EVI5L: variants seen among roughly 807,000 people sequenced by gnomAD.
EVI5L encodes EVI5-like protein.
A neutral mutation model predicts 106.1 loss-of-function variants in EVI5L; 30 were observed. That is an observed-to-expected ratio of 0.28 (90% CI 0.21 to 0.38). The LOEUF (loss-of-function observed/expected upper bound fraction) is 0.38. Among genes scored for constraint, EVI5L ranks in the 10% least tolerant of loss-of-function variants. EVI5L has a pLI of 1.00. For synonymous variants in EVI5L, 489 were observed against 483.3 expected, an observed-to-expected ratio of 1.01 and a Z score of -0.15; for missense variants, 809 against 1,098.0, an observed-to-expected ratio of 0.74 and a Z score of 3.72.
chr19:7,864,469 TGGAG>T lies in EVI5L; in HGVS notation c.*770_*773del, dbSNP rs1215057775. 6.6e-6 allele frequency: 1 copy of T among 152,390 alleles called. No individual in the cohort carries two copies. The highest frequency in any genetic ancestry group is 1.5e-5 in the Non-Finnish European group (1 of 68,072). The allele number at this position is 152,390 out of a possible 1,614,324, so 9.4% of individuals were successfully genotyped here. Reference sequence around the variant, plus strand: ...TCGCGCCCCCTATCCTGGCCAGTGATGGAGGGGTATCTCTACAGGGGTCCTCGGT... The same window carrying T: ...TCGCGCCCCCTATCCTGGCCAGTGATGGGTATCTCTACAGGGGTCCTCGGT... On this transcript the variant is annotated 3_prime_UTR_variant, in exon 20 of 20. Transcript: ENST00000538904. This position sits in a 1 kb window ranked among gnomAD's most constrained non-coding sequence, Gnocchi z 4.5.
Position 7,863,897 on chromosome 19 carries a change from T to A in EVI5L, c.*195T>A, listed in dbSNP as rs944755735. The A allele has an allele frequency of 9.7e-6, 7 of 720,626 alleles. No individual in the cohort carries two copies. The highest frequency in any genetic ancestry group is 3.6e-5 in the Admixed American group (1 of 28,162). The allele number at this position is 720,626 out of a possible 1,614,324, so 44.6% of individuals were successfully genotyped here. A position where few individuals can be genotyped will look rare whatever the true frequency, so the allele number is the denominator to read the frequency against. ...GGCTCCTCAGGGCCCCGGGGCAGGC[T>A]CTCTATCCCCAGCAGTGTTTACCCA... On this transcript the variant is annotated 3_prime_UTR_variant, in exon 20 of 20. Transcript: ENST00000538904. This position sits in a 1 kb window ranked among gnomAD's most constrained non-coding sequence, Gnocchi z 7.7.
chr19:7,838,172 A>G (rs1391076977), intron 1 of EVI5L, among the ~76,000 whole-genome samples: 1 of 150,732 alleles, frequency 6.6e-6, no homozygotes, highest in Non-Finnish European at 1.5e-5. Context: ...GCAGTCGTGC[A>G]ATCTCGGCTC....
At position 7,858,270 on chromosome 19, in the gene EVI5L, G is replaced by A. The variant is rs774588716; in HGVS notation, c.1313G>A (p.Ser438Asn). The change falls in exon 13 of 20, where the codon AGC (serine) becomes AAC (asparagine). Residue 438 changes from serine to asparagine, a missense_variant. By Grantham distance (46) the Ser-to-Asn change is conservative. This residue lies in a region of EVI5L where 452 missense variants were observed against 509.9 expected (regional missense o/e 0.89). Coordinates refer to ENST00000538904, the MANE Select transcript of EVI5L (RefSeq NM_001159944.3). This position sits in a 1 kb window ranked among gnomAD's most constrained non-coding sequence, Gnocchi z 5.7. ...CTGGCGGTGGTGCGGCAGCAGTGCA[G>A]CTCGGCGGCCGAGGACCTGCAGAAG... ...RELAVVRQQC[S>N]SAAEDLQKAQ... is the part of the protein sequence containing the mutation. The A allele has an allele frequency of 8.4e-6, 13 of 1,554,090 alleles. No homozygotes were observed. The East Asian group carries it at 3.1e-4, about 37-fold the overall frequency.
chr19:7,849,969 A>T, intron 5 of EVI5L, 28 bp from the exon 6 acceptor site: 4 of 1,530,904 alleles, frequency 2.6e-6, no homozygotes, highest in Non-Finnish European at 3.6e-6. Flanking sequence ...CGCTGCCCTG[A>T]GCCCCCCCAC....
chr19:7,832,117 C>T (rs1436597658), intron 1 of EVI5L, among the ~76,000 whole-genome samples: 2 of 152,184 alleles, frequency 1.3e-5, no homozygotes, highest in Admixed American at 1.3e-4. Flanking sequence ...CCATCCATCC[C>T]GCCGCCCTCC....
Position 7,835,249 on chromosome 19 carries a change from T to A in EVI5L, c.-48+4868T>A, listed in dbSNP as rs1015183481. ...GAGGCCAGGAGCGGTGGCTCACACC[T>A]GTAATCCCAGTACTTTGGGAGGCTG... On this transcript the variant is annotated intron_variant, in intron 1 of 19. Coordinates refer to ENST00000538904, the MANE Select transcript of EVI5L (RefSeq NM_001159944.3). This position sits in a 1 kb window ranked among gnomAD's most constrained non-coding sequence, Gnocchi z 4.1. 1.3e-5 allele frequency among the ~76,000 whole-genome samples: 2 copies of A among 152,204 alleles called. No homozygotes were observed. Among genetic ancestry groups the A allele is most frequent in the Non-Finnish European group, 2.9e-5 (2 of 68,032 alleles).
In EVI5L at chr19:7,847,922, G is replaced by T. The variant is rs927891889; in HGVS notation, c.327+1G>T. On this transcript the variant is annotated splice_donor_variant, in intron 3 of 19. Transcript: ENST00000538904. LOFTEE classifies it high-confidence loss of function. ...GCGCAGGAAGGAGAAGCTGCTCAAG[G>T]TGGGGGGCGGCCAGGCAGGCAGGGC... The T allele has an allele frequency of 1.3e-6, 2 of 1,543,524 alleles. No individual in the cohort carries two copies. The highest frequency in any genetic ancestry group is 1.8e-6 in the Non-Finnish European group (2 of 1,141,868).
chr19:7,851,851 G>C (rs1979267656), intron 8 of EVI5L, 81 bp downstream of exon 8: 2 of 1,311,158 alleles, frequency 1.5e-6, no homozygotes, highest in Middle Eastern at 2.7e-4. Context: ...AAGTGACAGA[G>C]AGGGCCCGGC....
At chr19:7,842,455 A>ATG (rs377483603) in intron 1 of EVI5L, among the ~76,000 whole-genome samples, 1 of 27,560 alleles carries the variant, frequency 3.6e-5, no homozygotes, top group Non-Finnish European at 9.5e-5. Context: ...GAATGTGTGA[A>ATG]TGTGTGTGTA....
chr19:7,862,782 G>T (rs1481656868), intron 17 of EVI5L, among the ~76,000 whole-genome samples, 190 bp from the exon 18 acceptor site: 8 of 83,098 alleles, frequency 9.6e-5, no homozygotes, highest in Non-Finnish European at 1.6e-4. Context: ...CCCCGCCCGC[G>T]GCCACGCCTC....
Position 7,849,152 on chromosome 19 carries a change from C to T in EVI5L, c.552+7C>T. 1.9e-6 allele frequency: 3 copies of T among 1,610,832 alleles called. No individual in the cohort carries two copies. Among genetic ancestry groups the T allele is most frequent in the Non-Finnish European group, 2.5e-6 (3 of 1,178,182 alleles). The stretch of plus-strand genomic sequence containing the variant: ...CCTCTTCAACGTCATGAAGGTGAGG[C>T]CCAGGGCTCCCCGCTCCCTCGGTCC... On this transcript the variant is annotated splice_region_variant and intron_variant, in intron 4 of 19. Transcript: ENST00000538904.
chr19:7,851,911 A>C, intron 8 of EVI5L, 141 bp downstream of exon 8: 1 of 731,430 alleles, frequency 1.4e-6, no homozygotes, highest in Non-Finnish European at 2.0e-6. Context: ...GTTCCCATCC[A>C]CTCTGTTCCC....
chr19:7,853,761 C>T lies in EVI5L; in HGVS notation c.1146+428C>T, dbSNP rs903825129. 19 of 250,590 alleles carry T rather than the reference C, an allele frequency of 7.6e-5. 1 individual carries two copies. The South Asian group carries it at 8.5e-4, about 11-fold the overall frequency. The allele number at this position is 250,590 out of a possible 1,614,324, so 15.5% of individuals were successfully genotyped here. A position where few individuals can be genotyped will look rare whatever the true frequency, so the allele number is the denominator to read the frequency against. ...GGCTGGAGGAATTCCAAGAAGGTTGCAGTGGAGGACCCCGCAAGGGGACCG... is the reference window on the plus strand; with the variant it reads ...GGCTGGAGGAATTCCAAGAAGGTTGTAGTGGAGGACCCCGCAAGGGGACCG... On this transcript the variant is annotated intron_variant, in intron 10 of 19. Coordinates refer to ENST00000538904, the MANE Select transcript of EVI5L (RefSeq NM_001159944.3).
At chr19:7,849,966 C>T in intron 5 of EVI5L, 31 bp from the exon 6 acceptor site, 1 of 1,563,356 alleles carries the variant, frequency 6.4e-7, no homozygotes, top group Non-Finnish European at 8.7e-7. Context: ...CTGCGCTGCC[C>T]TGAGCCCCCC....
Position 7,846,578 on chromosome 19 carries a change from C to T in EVI5L, c.36C>T (p.Ser12=), listed in dbSNP as rs1978961396. 2 of 1,613,654 alleles carry T rather than the reference C, an allele frequency of 1.2e-6. No individual in the cohort carries two copies. The highest frequency in any genetic ancestry group is 2.2e-5 in the South Asian group (2 of 91,030). Residue 12 remains serine, a synonymous_variant, in exon 2 of 20, where the codon TCC becomes TCT. Transcript: ENST00000538904. The stretch of plus-strand genomic sequence containing the variant: ...CCACTCTGAGCCCCGACTCCTCATC[C>T]CAGGAGGCCCTGTCGGCCCCCACCT... ...ASPTLSPDSS[S]QEALSAPTCS...
At chr19:7,853,242 A>G in intron 9 of EVI5L, 31 bp from the exon 10 acceptor site, 2 of 1,613,904 alleles carry the variant, frequency 1.2e-6, no homozygotes, top group South Asian at 2.2e-5. Context: ...CGAGGGCATG[A>G]CAGTAACCAC....
At chr19:7,837,279 C>G (rs944035758) in intron 1 of EVI5L, among the ~76,000 whole-genome samples, 1 of 151,282 alleles carries the variant, frequency 6.6e-6, no homozygotes, top group East Asian at 1.9e-4. Context: ...TGCAGTGAGC[C>G]GAGATCACAC....
chr19:7,843,500 TAG>T (rs1350357328), intron 1 of EVI5L, among the ~76,000 whole-genome samples: 9 of 146,868 alleles, frequency 6.1e-5, no homozygotes, highest in Non-Finnish European at 1.2e-4. Flanking sequence ...TGCATGTGTA[TAG>T]GTGTATGAGT....
chr19:7,833,905 A>G (rs1182695908), intron 1 of EVI5L, among the ~76,000 whole-genome samples: 1 of 152,252 alleles, frequency 6.6e-6, no homozygotes, highest in Non-Finnish European at 1.5e-5. Flanking sequence ...AACTCAGCTC[A>G]TCAGGGTCAG....
Sources: gnomAD v4.1 joint callset for allele counts (sites outside exome capture counted in the v4.1 genomes callset) on GRCh38, gnomAD v4.1.1 for gene constraint, gnomAD v4.1.1 regional missense constraint, Gnocchi (gnomAD v3.1) non-coding constraint, MANE v1.5 for transcripts, NCBI Gene and HGNC (gene_info 2026-07-23, HGNC 2026-07-21) for gene names.